The following JARID2 variants were observed in gnomAD, a reference collection of about 807,000 sequenced individuals.
JARID2 encodes the protein jumonji and AT-rich interaction domain containing 2, also known as protein Jumonji.
In JARID2, 21 loss-of-function variants were observed where a neutral mutation model predicts 125.6. The ratio of observed to expected loss-of-function variants is 0.17; its 90% CI spans 0.12 to 0.24. The LOEUF is 0.24. Among genes scored for constraint, JARID2 ranks in the 10% least tolerant of loss-of-function variants. The pLI, the probability that JARID2 is intolerant of heterozygous loss-of-function variation, is 1.00. For synonymous variants in JARID2, 736 were observed against 661.6 expected, an observed-to-expected ratio of 1.11 and a Z score of -1.73; for missense variants, 1,303 against 1,639.6, an observed-to-expected ratio of 0.79 and a Z score of 3.55.
At chr6:15,432,700 T>C (rs1307169900) in intron 3 of JARID2, among the ~76,000 whole-genome samples, 2 of 152,198 alleles carry the variant, frequency 1.3e-5, no homozygotes, top group Non-Finnish European at 2.9e-5. Flanking sequence ...GTTGGCAGTT[T>C]TTCCGTTTGA....
intron 1 of JARID2, among the ~76,000 whole-genome samples, chr6:15,317,270 A>AT (rs1429273890): frequency 6.6e-6 from 1 of 152,192 alleles, no homozygotes; most frequent in Non-Finnish European, 1.5e-5. Context: ...ACAACAGACA[A>AT]TATTAACATG....
chr6:15,519,287 T>C (rs533638246), intron 17 of JARID2, among the ~76,000 whole-genome samples: 2 of 152,162 alleles, frequency 1.3e-5, no homozygotes, highest in Non-Finnish European at 2.9e-5. Flanking sequence ...GCCATGACTA[T>C]GGTGTTATTA....
chr6:15,443,399 A>G (rs145197286), intron 3 of JARID2, among the ~76,000 whole-genome samples: 2 of 152,280 alleles, frequency 1.3e-5, no homozygotes, highest in East Asian at 3.9e-4. Context: ...TATTGCTACT[A>G]TTTAATCTTT....
At chr6:15,316,938 C>G (rs1762198727) in intron 1 of JARID2, among the ~76,000 whole-genome samples, 1 of 152,182 alleles carries the variant, frequency 6.6e-6, no homozygotes. Context: ...GCCTGTGCTT[C>G]AAGTTGCTTG....
At chr6:15,428,943 A>ACCCCCC (rs1484801194) in intron 3 of JARID2, among the ~76,000 whole-genome samples, 1 of 127,120 alleles carries the variant, frequency 7.9e-6, no homozygotes, top group South Asian at 2.9e-4. Flanking sequence ...CCCCCCCCAA[A>ACCCCCC]AAAAAAAAAA....
At chr6:15,365,909 C>T (rs1763956983) in intron 1 of JARID2, among the ~76,000 whole-genome samples, 1 of 151,934 alleles carries the variant, frequency 6.6e-6, no homozygotes, top group South Asian at 2.1e-4. Flanking sequence ...TGAATATTGA[C>T]AGACTACTTT....
chr6:15,396,999 C>CATTA (rs1765243186), intron 2 of JARID2, among the ~76,000 whole-genome samples: 1 of 152,180 alleles, frequency 6.6e-6, no homozygotes, highest in Admixed American at 6.5e-5. Context: ...CAGCCACATG[C>CATTA]ATTACAAAGT....
chr6:15,300,757 G>GAGAGAGAGAGAGAGACAGA (rs1387027158), intron 1 of JARID2, among the ~76,000 whole-genome samples: 1 of 149,990 alleles, frequency 6.7e-6, no homozygotes, highest in African/African-American at 2.5e-5. Context: ...GAGACAGAGA[G>GAGAGAGAGAGAGAGACAGA]GAGGGGTGGA....
At chr6:15,505,066 A>C (rs1222555608) in intron 9 of JARID2, 2 of 160,610 alleles carry the variant, frequency 1.2e-5, no homozygotes, top group Admixed American at 1.2e-4. Context: ...GGTTGGAAAG[A>C]CAGTGAGCAC....
intron 3 of JARID2, among the ~76,000 whole-genome samples, chr6:15,433,012 G>A (rs1263501164): frequency 1.3e-5 from 2 of 152,312 alleles, no homozygotes; most frequent in South Asian, 4.1e-4. Flanking sequence ...GTCTGAGGTG[G>A]TGCCTGAGAA....
At chr6:15,363,834 G>T (rs1031175074) in intron 1 of JARID2, among the ~76,000 whole-genome samples, 1 of 152,124 alleles carries the variant, frequency 6.6e-6, no homozygotes, top group Non-Finnish European at 1.5e-5. Context: ...GTAATGAAAG[G>T]GTGCCAATCC....
intron 3 of JARID2, among the ~76,000 whole-genome samples, chr6:15,426,655 G>A (rs188071855): frequency 1.3e-5 from 2 of 152,322 alleles, no homozygotes; most frequent in East Asian, 3.9e-4. Flanking sequence ...TTATAGTAGG[G>A]AGTGGAAGAG....
intron 4 of JARID2, among the ~76,000 whole-genome samples, chr6:15,463,758 G>A (rs548711166): frequency 2.6e-5 from 4 of 152,236 alleles, no homozygotes; most frequent in African/African-American, 9.6e-5. Flanking sequence ...ACGTCTGCTA[G>A]ATACGAAGTT....
Position 15,306,825 on chromosome 6 carries a change from G to T in JARID2, c.45+60241G>T, listed in dbSNP as rs1375272306. On this transcript the variant is annotated intron_variant, in intron 1 of 17. Transcript: ENST00000341776. Reference sequence around the variant, plus strand: ...AGGAAAATGGAAGGTGGGGAAATAGGCAGCTTATTTTTTTTCCTGACCTTA... The same window carrying T: ...AGGAAAATGGAAGGTGGGGAAATAGTCAGCTTATTTTTTTTCCTGACCTTA... Among the ~76,000 whole-genome samples, 8 of 150,552 alleles carry T rather than the reference G, an allele frequency of 5.3e-5. No homozygotes were observed. In the East Asian group the frequency reaches 9.7e-4, roughly 18 times the overall value.
intron 1 of JARID2, among the ~76,000 whole-genome samples, chr6:15,323,993 T>C (rs1464810404): frequency 6.7e-6 from 1 of 150,332 alleles, no homozygotes. Flanking sequence ...CCATCCTGGC[T>C]AACATGGTGA....
intron 4 of JARID2, among the ~76,000 whole-genome samples, chr6:15,454,437 G>A (rs895543838): frequency 6.6e-6 from 1 of 152,170 alleles, no homozygotes; most frequent in Non-Finnish European, 1.5e-5. Flanking sequence ...GGTAGGTGGG[G>A]TTCCCACCAG....
At chr6:15,342,848 A>C (rs539567850) in intron 1 of JARID2, among the ~76,000 whole-genome samples, 1 of 152,288 alleles carries the variant, frequency 6.6e-6, no homozygotes, top group Non-Finnish European at 1.5e-5. Context: ...ACTAGTACTA[A>C]GTTAGGAAAT....
At chr6:15,500,861 G>A (rs1770701015) in intron 7 of JARID2, 46 bp from the exon 8 acceptor site, 4 of 1,522,876 alleles carry the variant, frequency 2.6e-6, no homozygotes, top group Non-Finnish European at 8.9e-7. Context: ...TCTTGTTCGT[G>A]TCTCTTTCAC....
intron 1 of JARID2, among the ~76,000 whole-genome samples, chr6:15,323,768 G>T (rs1216541333): frequency 1.3e-5 from 2 of 152,058 alleles, no homozygotes; most frequent in African/African-American, 4.8e-5. Flanking sequence ...GGTGGTGTGC[G>T]CCTGTAATCC....
Sources: gnomAD v4.1 joint callset for allele counts (sites outside exome capture counted in the v4.1 genomes callset) on GRCh38, gnomAD v4.1.1 for gene constraint, MANE v1.5 for transcripts, NCBI Gene and HGNC (gene_info 2026-07-23, HGNC 2026-07-21) for gene names.